Variants in MYO7B observed in about 807,000 individuals in gnomAD.
MYO7B encodes unconventional myosin-VIIb.
In MYO7B, 212 loss-of-function variants were observed where a neutral mutation model predicts 259.7. That is an observed-to-expected ratio of 0.82 (90% CI 0.73 to 0.91). The LOEUF (loss-of-function observed/expected upper bound fraction) is 0.91, where lower values mean the gene tolerates loss of function less well. Among genes scored for constraint, MYO7B ranks in the 40% least tolerant of loss-of-function variants. The probability of loss-of-function intolerance (pLI) is 0.00; values close to 1 mark genes in which losing one functional copy is unlikely to be tolerated. For missense variants in MYO7B, 2,732 were observed against 2,813.5 expected, an observed-to-expected ratio of 0.97 and a Z score of 0.66; for synonymous variants, 1,197 against 1,166.4, an observed-to-expected ratio of 1.03 and a Z score of -0.54.
In MYO7B at chr2:127,609,439, A is replaced by G; in HGVS notation, c.2815-67A>G. On this transcript the variant is annotated intron_variant, in intron 22 of 47. Transcript: ENST00000409816. The surrounding 1 kb of genome is among the most constrained non-coding windows in gnomAD (Gnocchi z 6.9). ...CCCCGTGCTGCCCGGCCTGCTGGACAGTCAGCTGATGGGTTGGTTGTTACC... is the reference window on the plus strand; with the variant it reads ...CCCCGTGCTGCCCGGCCTGCTGGACGGTCAGCTGATGGGTTGGTTGTTACC... 2 of 1,438,828 alleles carry G rather than the reference A, an allele frequency of 1.4e-6. No individual in the cohort carries two copies. Among genetic ancestry groups the G allele is most frequent in the South Asian group, 1.2e-5 (1 of 81,220 alleles). 89.1% of individuals were successfully genotyped at this position (1,438,828 alleles called of 1,614,324 possible). A position where few individuals can be genotyped will look rare whatever the true frequency, so the allele number is the denominator to read the frequency against.
rs1007025604 is a variant in MYO7B at position 127,607,507 on chromosome 2, T to C, written c.2643+83T>C. The C allele has an allele frequency of 4.8e-5, 60 of 1,241,202 alleles. No homozygotes were observed. The highest frequency in any genetic ancestry group is 6.7e-5 in the Non-Finnish European group (60 of 891,118). 76.9% of individuals were successfully genotyped at this position (1,241,202 alleles called of 1,614,324 possible). Reference sequence around the variant, plus strand: ...GGGCAAGAAGGAGTGAGCGGCTGTGTAGAGAGCTCACCAGAAGCGCTTTGG... The same window carrying C: ...GGGCAAGAAGGAGTGAGCGGCTGTGCAGAGAGCTCACCAGAAGCGCTTTGG... On this transcript the variant is annotated intron_variant, in intron 21 of 47. Transcript: ENST00000409816. This position sits in a 1 kb window ranked among gnomAD's most constrained non-coding sequence, Gnocchi z 4.4.
At chr2:127,606,869 G>A (rs561366087) in intron 20 of MYO7B, among the ~76,000 whole-genome samples, 44 of 152,230 alleles carry the variant, frequency 2.9e-4, no homozygotes, top group Non-Finnish European at 6.0e-4. Flanking sequence ...GGCAGATGTG[G>A]ACAGCAGGGC....
chr2:127,576,844 C>A lies in MYO7B; in HGVS notation c.849+136C>A, dbSNP rs983824697. On this transcript the variant is annotated intron_variant, in intron 8 of 47. Transcript: ENST00000409816. The surrounding 1 kb of genome is among the most constrained non-coding windows in gnomAD (Gnocchi z 4.9). ...CTGAGGCGGGGCTGGTTCCCTTTGC[C>A]TCTCCTCGCCAGCCCCTCTCTGCTG... 1.7e-6 allele frequency: 1 copy of A among 586,638 alleles called. No homozygotes were observed. Among genetic ancestry groups the A allele is most frequent in the Non-Finnish European group, 3.0e-6 (1 of 336,572 alleles). 36.3% of individuals were successfully genotyped at this position (586,638 alleles called of 1,614,324 possible).
In MYO7B at chr2:127,592,808, G is replaced by C. The variant is rs766712368; in HGVS notation, c.2007G>C (p.Glu669Asp). 1 of 1,610,494 alleles carries C rather than the reference G, an allele frequency of 6.2e-7. No individual in the cohort carries two copies. Among genetic ancestry groups the C allele is most frequent in the Non-Finnish European group, 8.5e-7 (1 of 1,178,916 alleles). Reference sequence around the variant, plus strand: ...TCCGCCCACAGCTGTTCGACCGGGAGCTGTGCCTGCGGCAGCTGCGATACT... The same window carrying C: ...TCCGCCCACAGCTGTTCGACCGGGACCTGTGCCTGCGGCAGCTGCGATACT... ...EYKKPLLFDR[E>D]LCLRQLRYSG... Residue 669 changes from glutamate to aspartate, a missense_variant, in exon 17 of 48, where the codon GAG becomes GAC. Physicochemically the swap from Glu to Asp is conservative, Grantham distance 45 (BLOSUM62 2). This residue lies in a region of MYO7B where 1,906 missense variants were observed against 2,026.4 expected (regional missense o/e 0.94). Transcript: ENST00000409816.
intron 1 of MYO7B, among the ~76,000 whole-genome samples, chr2:127,538,165 G>T (rs879126553): frequency 8.5e-5 from 13 of 152,150 alleles, no homozygotes; most frequent in Non-Finnish European, 1.5e-5. Context: ...GGGAACGGGG[G>T]ATGTTCCAGG....
Position 127,632,234 on chromosome 2 carries a change from G to A in MYO7B, c.5250-12G>A, listed in dbSNP as rs752122196. 1 of 1,610,642 alleles carries A rather than the reference G, an allele frequency of 6.2e-7. No homozygotes were observed. The highest frequency in any genetic ancestry group is 8.5e-7 in the Non-Finnish European group (1 of 1,179,032). Reference sequence around the variant, plus strand: ...GAGGGGCCTTTCCCGGCTGACAAGTGCTACCCTTCAGGCACAGCGAAGAGC... The same window carrying A: ...GAGGGGCCTTTCCCGGCTGACAAGTACTACCCTTCAGGCACAGCGAAGAGC... On this transcript the variant is annotated splice_polypyrimidine_tract_variant and intron_variant, in intron 38 of 47. Transcript: ENST00000409816.
At position 127,627,756 on chromosome 2, in the gene MYO7B, C is replaced by CCCATGGGTCT. The variant is rs566491295; in HGVS notation, c.4460+453_4460+462dup. ...TCTTAGGCTGGGGCTGACCCCCACT[C>CCCATGGGTCT]CCATGGGTCTCCATGGATCTCATTG... On this transcript the variant is annotated intron_variant, in intron 33 of 47. Coordinates refer to ENST00000409816, the MANE Select transcript of MYO7B (RefSeq NM_001393586.1). The surrounding 1 kb of genome is among the most constrained non-coding windows in gnomAD (Gnocchi z 5.6). The CCCATGGGTCT allele has an allele frequency of 2.9e-4, 134 of 458,762 alleles. No homozygotes were observed. Among genetic ancestry groups the CCCATGGGTCT allele is most frequent in the African/African-American group, 2.6e-3 (130 of 50,288 alleles). 28.4% of individuals were successfully genotyped at this position (458,762 alleles called of 1,614,324 possible).
intron 1 of MYO7B, among the ~76,000 whole-genome samples, chr2:127,549,186 CTCTTTCTT>C (rs1278695410): frequency 1.0e-5 from 1 of 99,412 alleles, no homozygotes; most frequent in African/African-American, 7.9e-5. Context: ...CTTTCTTTCT[CTCTTTCTT>C]TCTTATACAA....
At chr2:127,593,404 C>T (rs540480143) in intron 17 of MYO7B, 142 bp from the exon 18 acceptor site, 6 of 767,082 alleles carry the variant, frequency 7.8e-6, no homozygotes, top group East Asian at 2.7e-5. Context: ...TCGAGGTTCC[C>T]GTTGTGCCTG....
Position 127,625,601 on chromosome 2 carries a change from G to A in MYO7B, c.4215+66G>A, listed in dbSNP as rs932836072. 2.4e-5 allele frequency: 35 copies of A among 1,430,234 alleles called. No individual in the cohort carries two copies. The African/African-American group carries it at 4.6e-4, about 19-fold the overall frequency. The allele number at this position is 1,430,234 out of a possible 1,614,324, so 88.6% of individuals were successfully genotyped here. A position where few individuals can be genotyped will look rare whatever the true frequency, so the allele number is the denominator to read the frequency against. On this transcript the variant is annotated intron_variant, in intron 31 of 47. Coordinates refer to ENST00000409816, the MANE Select transcript of MYO7B (RefSeq NM_001393586.1). ...CCTTTGGGAGGTGGGGGGGCTCATG[G>A]TATACAGAGGAGATGGATTCCCTCC...
Position 127,624,296 on chromosome 2 carries a change from G to T in MYO7B, c.4023G>T (p.Trp1341Cys), listed in dbSNP as rs767672853. Residue 1341 changes from tryptophan to cysteine, a missense_variant, in exon 30 of 48, where the codon TGG becomes TGT. By Grantham distance (215) the Trp-to-Cys change is radical (BLOSUM62 -2). Transcript: ENST00000409816. ...ACCGCCAAGTCCTCCGAGGAGTCTGGTCTGGCGAGTACAGCTTCGAGAAGG... is the reference window on the plus strand; with the variant it reads ...ACCGCCAAGTCCTCCGAGGAGTCTGTTCTGGCGAGTACAGCTTCGAGAAGG... ...LIYRQVLRGV[W>C]SGEYSFEKEE... 1 of 1,582,078 alleles carries T rather than the reference G, an allele frequency of 6.3e-7. No homozygotes were observed. Among genetic ancestry groups the T allele is most frequent in the South Asian group, 1.2e-5 (1 of 86,160 alleles).
In MYO7B at chr2:127,635,372, G is replaced by A. The variant is rs772861431; in HGVS notation, c.5820+146G>A. 16 of 752,070 alleles carry A rather than the reference G, an allele frequency of 2.1e-5. No individual in the cohort carries two copies. The African/African-American group carries it at 2.6e-4, about 12-fold the overall frequency. The allele number at this position is 752,070 out of a possible 1,614,324, so 46.6% of individuals were successfully genotyped here. A position where few individuals can be genotyped will look rare whatever the true frequency, so the allele number is the denominator to read the frequency against. On this transcript the variant is annotated intron_variant, in intron 43 of 47. Transcript: ENST00000409816. ...GTGGTAGGCAGACCAAGCCCCTGAG[G>A]GCTCTGGAACCAGGAGCAGAGGGCA...
chr2:127,540,904 C>A (rs1454958139), intron 1 of MYO7B, among the ~76,000 whole-genome samples: 2 of 152,086 alleles, frequency 1.3e-5, no homozygotes, highest in African/African-American at 4.8e-5. Flanking sequence ...AGAATAATTT[C>A]TCAAGGGTTA....
chr2:127,555,478 A>T (rs1185470977), intron 1 of MYO7B, among the ~76,000 whole-genome samples: 2 of 151,972 alleles, frequency 1.3e-5, no homozygotes, highest in African/African-American at 4.8e-5. Flanking sequence ...TTGAGATGTG[A>T]CCTTCCTTAG....
chr2:127,617,816 CTTA>C (rs1480606698), intron 26 of MYO7B, among the ~76,000 whole-genome samples: 2 of 149,602 alleles, frequency 1.3e-5, no homozygotes, highest in African/African-American at 5.0e-5. Context: ...AACGGGGTTT[CTTA>C]TTCATCTGGT....
In MYO7B at chr2:127,611,234, CA is replaced by C. The variant is rs1680374258; in HGVS notation, c.3193-1014del. On this transcript the variant is annotated intron_variant, in intron 24 of 47. Transcript: ENST00000409816. The surrounding 1 kb of genome is among the most constrained non-coding windows in gnomAD (Gnocchi z 5.4). Reference sequence around the variant, plus strand: ...AACATGAGTGATCCAAGAAGAAAAGCAAGAAGGAAAGTGCAAATGTCCAGTC... The same window carrying C: ...AACATGAGTGATCCAAGAAGAAAAGCAGAAGGAAAGTGCAAATGTCCAGTC... Among the ~76,000 whole-genome samples the C allele has an allele frequency of 2.0e-5, 3 of 152,192 alleles. No homozygotes were observed. The highest frequency in any genetic ancestry group is 2.4e-5 in the African/African-American group (1 of 41,454).
In MYO7B at chr2:127,539,805, T is replaced by C. The variant is rs931203590; in HGVS notation, c.-24+3974T>C. On this transcript the variant is annotated intron_variant, in intron 1 of 47. Transcript: ENST00000409816. The surrounding 1 kb of genome is among the most constrained non-coding windows in gnomAD (Gnocchi z 4.0). Reference sequence around the variant, plus strand: ...CCACAGCAGTGTACACTGCACCCAATGTGTAGTCTTTTGTTGCTCACCCAG... The same window carrying C: ...CCACAGCAGTGTACACTGCACCCAACGTGTAGTCTTTTGTTGCTCACCCAG... 6.6e-6 allele frequency among the ~76,000 whole-genome samples: 1 copy of C among 152,216 alleles called. No homozygotes were observed. The highest frequency in any genetic ancestry group is 1.5e-5 in the Non-Finnish European group (1 of 68,034).
intron 19 of MYO7B, among the ~76,000 whole-genome samples, chr2:127,599,497 C>T (rs1372721214): frequency 6.6e-6 from 1 of 151,948 alleles, no homozygotes. Flanking sequence ...CTTTTTTTTC[C>T]AATCCGTATG....
intron 40 of MYO7B, among the ~76,000 whole-genome samples, chr2:127,633,964 C>G (rs1220365608): frequency 2.0e-5 from 3 of 152,224 alleles, no homozygotes; most frequent in Non-Finnish European, 4.4e-5. Context: ...GTCAAAAGGC[C>G]AGGCCTGCAG....
Sources: gnomAD v4.1 joint callset for allele counts (sites outside exome capture counted in the v4.1 genomes callset) on GRCh38, gnomAD v4.1.1 for gene constraint, gnomAD v4.1.1 regional missense constraint, Gnocchi (gnomAD v3.1) non-coding constraint, MANE v1.5 for transcripts, NCBI Gene and HGNC (gene_info 2026-07-23, HGNC 2026-07-21) for gene names.